Variants in GTF2F2 observed in about 807,000 individuals in gnomAD.
The protein encoded by GTF2F2 is general transcription factor IIF subunit 2, also known as ATP-dependent helicase GTF2F2.
In GTF2F2, 23 loss-of-function variants were observed where a neutral mutation model predicts 42.2. The observed-to-expected ratio is 0.55, with a 90% CI of 0.39 to 0.77. The LOEUF (loss-of-function observed/expected upper bound fraction) is 0.77, where lower values mean the gene tolerates loss of function less well. Ranked by LOEUF, GTF2F2 falls within the 30% of genes least tolerant of loss-of-function variation. The pLI is 0.00. For synonymous variants in GTF2F2, 105 were observed against 100.8 expected (o/e 1.04, Z -0.25); for missense variants, 261 against 287.2 (o/e 0.91, Z 0.66).
At chr13:45,204,303 C>G (rs73181600) in intron 4 of GTF2F2, among the ~76,000 whole-genome samples, 32 of 152,268 alleles carry the variant, frequency 2.1e-4, no homozygotes, top group Non-Finnish European at 3.4e-4. Flanking sequence ...AGTCTACGCT[C>G]CTTGAGGGTA....
At chr13:45,272,167 CTCTTT>C (rs1876821012) in intron 7 of GTF2F2, among the ~76,000 whole-genome samples, 1 of 150,244 alleles carries the variant, frequency 6.7e-6, no homozygotes, top group African/African-American at 2.4e-5. Context: ...TTTAAGACTT[CTCTTT>C]TAAGAAATAA....
At chr13:45,194,812 G>A (rs1872811039) in intron 4 of GTF2F2, 4 of 497,710 alleles carry the variant, frequency 8.0e-6, no homozygotes, top group Non-Finnish European at 1.4e-5. Context: ...GGGATTTGTT[G>A]TGAAAGGATT....
chr13:45,172,414 G>A (rs1294116974), intron 4 of GTF2F2, among the ~76,000 whole-genome samples: 4 of 152,016 alleles, frequency 2.6e-5, no homozygotes, highest in Admixed American at 2.6e-4. Flanking sequence ...TTATTGAGTT[G>A]TAAGAGTTCA....
intron 5 of GTF2F2, among the ~76,000 whole-genome samples, chr13:45,245,666 A>AATATATATATATATATATAT (rs372488927): frequency 7.2e-5 from 8 of 110,848 alleles, no homozygotes; most frequent in African/African-American, 2.3e-4. Context: ...CCATGGTGTG[A>AATATATATATATATATATAT]ATATATATAT....
chr13:45,161,583 T>TGTAATCCC (rs1443960598), intron 4 of GTF2F2, among the ~76,000 whole-genome samples: 1 of 152,202 alleles, frequency 6.6e-6, no homozygotes. Context: ...GGCTCAGGCC[T>TGTAATCCC]GTAATCCCAG....
intron 6 of GTF2F2, among the ~76,000 whole-genome samples, chr13:45,260,804 G>A (rs1484112698): frequency 6.6e-6 from 1 of 152,098 alleles, no homozygotes; most frequent in East Asian, 1.9e-4. Flanking sequence ...TGGATCACTT[G>A]AGTTTGAGAC....
intron 1 of GTF2F2, among the ~76,000 whole-genome samples, chr13:45,133,505 T>C (rs1305070007): frequency 3.9e-5 from 6 of 152,140 alleles, no homozygotes; most frequent in African/African-American, 1.2e-4. Flanking sequence ...CAAATTTTCA[T>C]TTGTTTTATG....
At chr13:45,221,441 AAG>A (rs1213701458) in intron 5 of GTF2F2, among the ~76,000 whole-genome samples, 1 of 152,274 alleles carries the variant, frequency 6.6e-6, no homozygotes, top group East Asian at 1.9e-4. Context: ...AAATTTCAAA[AAG>A]ACCACTGAGG....
chr13:45,271,168 T>C (rs1242200539), intron 7 of GTF2F2, among the ~76,000 whole-genome samples: 8 of 151,818 alleles, frequency 5.3e-5, no homozygotes. Flanking sequence ...GGCCAGCCCC[T>C]GTAGTCCCAG....
chr13:45,204,892 TA>T (rs1187110607), intron 4 of GTF2F2, among the ~76,000 whole-genome samples: 1 of 152,188 alleles, frequency 6.6e-6, no homozygotes, highest in African/African-American at 2.4e-5. Context: ...TTTGAGAAAG[TA>T]AATGTTATTG....
chr13:45,139,814 C>G (rs1766684843), intron 2 of GTF2F2, among the ~76,000 whole-genome samples: 1 of 152,162 alleles, frequency 6.6e-6, no homozygotes. Flanking sequence ...ACACTGTGTT[C>G]TAAAGTTAGG....
chr13:45,246,262 T>TCGTGATCCGCCCTCCTC (rs1875605774), intron 5 of GTF2F2, among the ~76,000 whole-genome samples: 1 of 151,706 alleles, frequency 6.6e-6, no homozygotes, highest in African/African-American at 2.4e-5. Flanking sequence ...CCGCCCTCCT[T>TCGTGATCCGCCCTCCTC]GGCCTTCCAA....
rs192876294 is a variant in GTF2F2, at chr13:45,276,459, G to A, written c.631-6983G>A. Among the ~76,000 whole-genome samples, 280 of 142,982 alleles carry A rather than the reference G, an allele frequency of 2.0e-3. 2 individuals are homozygous for A. The highest frequency in any genetic ancestry group is 6.9e-3 in the African/African-American group (257 of 37,218). The allele number at this position is 142,982 out of a possible 152,430, so 93.8% of individuals were successfully genotyped here. A position where few individuals can be genotyped will look rare whatever the true frequency, so the allele number is the denominator to read the frequency against. On this transcript the variant is annotated intron_variant, in intron 7 of 7. Transcript: ENST00000340473. ...CTAGACTTTTTTTTTTTTTTGAGAT[G>A]GAGTCTCGCTCTTACCACCCATCCT... is the stretch of plus-strand genomic sequence containing the variant.
rs1159092030 is a variant in GTF2F2, at chr13:45,283,700, AC to A, written c.*141del. ...TGATTTCTCTCGGTAAATTTTTTAAACCTGTAATTCTTGTAAAGTTTCTTAA... is the reference window on the plus strand; with the variant it reads ...TGATTTCTCTCGGTAAATTTTTTAAACTGTAATTCTTGTAAAGTTTCTTAA... On this transcript the variant is annotated 3_prime_UTR_variant, in exon 8 of 8. Coordinates refer to ENST00000340473, the MANE Select transcript of GTF2F2 (RefSeq NM_004128.3). 4 of 554,842 alleles carry A rather than the reference AC, an allele frequency of 7.2e-6. No homozygotes were observed. Among genetic ancestry groups the A allele is most frequent in the Admixed American group, 4.3e-5 (1 of 23,272 alleles). 34.4% of individuals were successfully genotyped at this position (554,842 alleles called of 1,614,324 possible).
At chr13:45,132,733 T>C (rs1869429810) in intron 1 of GTF2F2, among the ~76,000 whole-genome samples, 1 of 151,950 alleles carries the variant, frequency 6.6e-6, no homozygotes, top group East Asian at 1.9e-4. Context: ...AAGTATCCAA[T>C]TGTGGCTAGG....
Position 45,278,263 on chromosome 13 carries a change from C to T in GTF2F2, c.631-5179C>T, listed in dbSNP as rs74628811. Among the ~76,000 whole-genome samples, 280 of 152,238 alleles carry T rather than the reference C, an allele frequency of 1.8e-3. 1 individual carries two copies. Among genetic ancestry groups the T allele is most frequent in the African/African-American group, 6.4e-3 (267 of 41,532 alleles). On this transcript the variant is annotated intron_variant, in intron 7 of 7. Transcript: ENST00000340473. ...TGATCCATGGACTTCTGGCTTTTTG[C>T]CCACCGCAGTTTTAACTTGACCCAC... is the stretch of plus-strand genomic sequence containing the variant.
At chr13:45,233,902 G>A (rs1040925671) in intron 5 of GTF2F2, among the ~76,000 whole-genome samples, 4 of 152,116 alleles carry the variant, frequency 2.6e-5, no homozygotes, top group African/African-American at 4.8e-5. Flanking sequence ...AACAGAGCGC[G>A]TCTCTGTCTC....
chr13:45,133,588 G>A (rs1273455872), intron 1 of GTF2F2, among the ~76,000 whole-genome samples: 1 of 152,160 alleles, frequency 6.6e-6, no homozygotes, highest in Non-Finnish European at 1.5e-5. Context: ...TAGTGGAGTG[G>A]TCATAAACCA....
intron 4 of GTF2F2, among the ~76,000 whole-genome samples, chr13:45,190,762 T>G (rs1872583284): frequency 6.6e-6 from 1 of 151,302 alleles, no homozygotes; most frequent in Non-Finnish European, 1.5e-5. Context: ...TTTGTTTTTG[T>G]TTTTTTTGAG....
Sources: allele counts gnomAD v4.1 joint callset (sites outside exome capture counted in the v4.1 genomes callset), GRCh38; gene constraint gnomAD v4.1.1; transcripts MANE v1.5; gene names NCBI Gene and HGNC (gene_info 2026-07-23, HGNC 2026-07-21).